Variants in GPR149 observed in about 807,000 individuals in gnomAD.
GPR149 encodes G protein-coupled receptor 149, also known as probable G protein-coupled receptor 149.
GPR149 carries 50 observed loss-of-function variants against 50.2 expected under a neutral mutation model. The ratio of observed to expected loss-of-function variants is 1.00; its 90% CI spans 0.79 to 1.26. The LOEUF (loss-of-function observed/expected upper bound fraction) is 1.26, where lower values mean the gene tolerates loss of function less well. GPR149 is among the 50% of genes most tolerant of loss of function. GPR149 has a pLI of 0.00. For synonymous variants in GPR149, 405 were observed against 358.2 expected (o/e 1.13, Z -1.48); for missense variants, 983 against 895.4 (o/e 1.10, Z -1.25).
At chr3:154,396,979 T>TA in intron 3 of GPR149, among the ~76,000 whole-genome samples, 1 of 152,128 alleles carries the variant, frequency 6.6e-6, no homozygotes, top group South Asian at 2.1e-4. Context: ...ACCTTGAGTT[T>TA]AAAATGTATA....
At chr3:154,400,629 A>G (rs1711532060) in intron 3 of GPR149, among the ~76,000 whole-genome samples, 1 of 152,158 alleles carries the variant, frequency 6.6e-6, no homozygotes, top group Admixed American at 6.5e-5. Context: ...CCACTGTACT[A>G]TGTTCTATTG....
At chr3:154,349,141 G>A (rs896281815) in intron 3 of GPR149, among the ~76,000 whole-genome samples, 3 of 152,016 alleles carry the variant, frequency 2.0e-5, no homozygotes, top group Non-Finnish European at 4.4e-5. Flanking sequence ...AGCACTAAAT[G>A]CATACATTAG....
chr3:154,410,989 T>C (rs1186595138), intron 3 of GPR149, among the ~76,000 whole-genome samples: 1 of 152,020 alleles, frequency 6.6e-6, no homozygotes, highest in South Asian at 2.1e-4. Flanking sequence ...TTATATTAAG[T>C]ACTCTCTCAG....
At chr3:154,410,934 T>C (rs1711815377) in intron 3 of GPR149, among the ~76,000 whole-genome samples, 1 of 152,106 alleles carries the variant, frequency 6.6e-6, no homozygotes, top group South Asian at 2.1e-4. Context: ...ATAGACCATA[T>C]GATAGGCCAC....
chr3:154,355,868 A>G (rs545530188), intron 3 of GPR149, among the ~76,000 whole-genome samples: 2 of 152,236 alleles, frequency 1.3e-5, no homozygotes, highest in Non-Finnish European at 2.9e-5. Flanking sequence ...CAAAGGATAA[A>G]TACAATGTTT....
At position 154,364,596 on chromosome 3, in the gene GPR149, A is replaced by G. The variant is rs1714487740; in HGVS notation, c.1624-26325T>C. ...CATGACACAGACATTTTCATCTCAA[A>G]AGGGAGAAATAGGCAAGAAGAAAGA... On this transcript the variant is annotated intron_variant, in intron 3 of 3. Coordinates refer to ENST00000389740, the MANE Select transcript of GPR149 (RefSeq NM_001038705.3). Among the ~76,000 whole-genome samples the G allele has an allele frequency of 2.0e-5, 3 of 152,348 alleles. No homozygotes were observed. In the South Asian group the frequency reaches 6.2e-4, roughly 32 times the overall value.
intron 3 of GPR149, chr3:154,352,572 T>G: frequency 1.3e-6 from 1 of 776,080 alleles, no homozygotes; most frequent in Non-Finnish European, 2.4e-6. Context: ...CTCTAGGCTT[T>G]CCAGAGTCAT....
chr3:154,400,850 A>C (rs1711535513), intron 3 of GPR149, among the ~76,000 whole-genome samples: 1 of 152,246 alleles, frequency 6.6e-6, no homozygotes, highest in East Asian at 1.9e-4. Context: ...GAGACTAGCC[A>C]CTACTAAAGT....
intron 3 of GPR149, among the ~76,000 whole-genome samples, chr3:154,388,871 A>ACACACACACAC (rs372504228): frequency 4.6e-4 from 67 of 144,948 alleles, no homozygotes; most frequent in African/African-American, 1.2e-3. Flanking sequence ...ACATATGAAA[A>ACACACACACAC]ACACACACAC....
At chr3:154,353,389 A>G (rs1342729881) in intron 3 of GPR149, 3 of 1,304,940 alleles carry the variant, frequency 2.3e-6, no homozygotes, top group African/African-American at 1.5e-5. Flanking sequence ...TGGTCTTCAG[A>G]TTCAGTTTTG....
intron 3 of GPR149, among the ~76,000 whole-genome samples, chr3:154,413,044 A>T (rs1314831485): frequency 6.6e-6 from 1 of 151,982 alleles, no homozygotes; most frequent in African/African-American, 2.4e-5. Flanking sequence ...CAAAAACATA[A>T]AGTGGGGAAA....
chr3:154,354,062 C>G, intron 3 of GPR149: 2 of 446,518 alleles, frequency 4.5e-6, no homozygotes, highest in Non-Finnish European at 8.6e-6. Context: ...TCTTTTCTTC[C>G]TATGAGATTT....
intron 3 of GPR149, among the ~76,000 whole-genome samples, chr3:154,395,019 G>A (rs2108414750): frequency 6.6e-6 from 1 of 152,094 alleles, no homozygotes; most frequent in Non-Finnish European, 1.5e-5. Flanking sequence ...AGATTACAAG[G>A]CAGAAATATA....
intron 3 of GPR149, among the ~76,000 whole-genome samples, chr3:154,399,630 CA>C (rs1197902395): frequency 6.6e-6 from 1 of 152,190 alleles, no homozygotes; most frequent in African/African-American, 2.4e-5. Context: ...TCAGCGTTTT[CA>C]GGCCTGTTAG....
chr3:154,405,963 T>C (rs1021164876), intron 3 of GPR149, among the ~76,000 whole-genome samples: 23 of 151,830 alleles, frequency 1.5e-4, no homozygotes, highest in Non-Finnish European at 5.9e-5. Context: ...AAAAATACTA[T>C]AAACAAAAAT....
intron 3 of GPR149, among the ~76,000 whole-genome samples, chr3:154,389,134 G>T (rs543512916): frequency 3.3e-5 from 5 of 152,250 alleles, no homozygotes; most frequent in African/African-American, 7.2e-5. Flanking sequence ...GGCTCTTGGA[G>T]ATATAAAGAT....
intron 3 of GPR149, among the ~76,000 whole-genome samples, chr3:154,380,278 T>C (rs1196114772): frequency 2.0e-5 from 3 of 152,032 alleles, no homozygotes; most frequent in Non-Finnish European, 2.9e-5. Context: ...TTTTATGCTT[T>C]CACTGTGCTT....
At chr3:154,362,145 C>T (rs369078908) in intron 3 of GPR149, among the ~76,000 whole-genome samples, 5 of 151,770 alleles carry the variant, frequency 3.3e-5, no homozygotes, top group South Asian at 4.2e-4. Flanking sequence ...AAAAATTAGC[C>T]GGGCGTGGTG....
Position 154,352,501 on chromosome 3 carries a change from C to T in GPR149, c.1624-14230G>A. The stretch of plus-strand genomic sequence containing the variant: ...AGGCACACACTGGTAATCTGAGACG[C>T]TGTATTACTACTTAGCTTTCTATTA... On this transcript the variant is annotated intron_variant, in intron 3 of 3. Transcript: ENST00000389740. The T allele has an allele frequency of 2.5e-5, 19 of 774,350 alleles. No homozygotes were observed. In the South Asian group the frequency reaches 2.6e-4, roughly 10 times the overall value. The allele number at this position is 774,350 out of a possible 1,614,324, so 48.0% of individuals were successfully genotyped here.
Sources: allele counts gnomAD v4.1 joint callset (sites outside exome capture counted in the v4.1 genomes callset), GRCh38; gene constraint gnomAD v4.1.1; transcripts MANE v1.5; gene names NCBI Gene and HGNC (gene_info 2026-07-23, HGNC 2026-07-21).